Variants in OR51B5 observed in about 807,000 individuals in gnomAD.
OR51B5 encodes the protein olfactory receptor 51B5.
For synonymous variants in OR51B5, 186 were observed against 144.8 expected, an observed-to-expected ratio of 1.28 and a Z score of -2.04; for missense variants, 456 against 374.6, an observed-to-expected ratio of 1.22 and a Z score of -1.79.
intron 1 of OR51B5, among the ~76,000 whole-genome samples, chr11:5,421,618 A>G (rs1164080646): frequency 6.6e-6 from 1 of 152,222 alleles, no homozygotes; most frequent in Non-Finnish European, 1.5e-5. Context: ...GACATTAGCT[A>G]ATGAGAATAG....
chr11:5,458,664 T>G (rs1173804001), intron 1 of OR51B5, among the ~76,000 whole-genome samples: 1 of 152,202 alleles, frequency 6.6e-6, no homozygotes, highest in African/African-American at 2.4e-5. Context: ...ATTGTAGAGA[T>G]CATTCACCTG....
At chr11:5,413,411 C>T (rs1438177847) in intron 1 of OR51B5, among the ~76,000 whole-genome samples, 1 of 152,142 alleles carries the variant, frequency 6.6e-6, no homozygotes, top group Non-Finnish European at 1.5e-5. Context: ...AGTTCTTCAC[C>T]AGCAATGCAA....
chr11:5,454,105 C>T, intron 1 of OR51B5: 3 of 1,614,194 alleles, frequency 1.9e-6, no homozygotes, highest in Non-Finnish European at 2.5e-6. Context: ...CTTGTATCCA[C>T]CTTTGGCATG....
chr11:5,347,766 G>A (rs1480299281), upstream of OR51B5, among the ~76,000 whole-genome samples: 13 of 152,026 alleles, frequency 8.6e-5, no homozygotes, highest in Non-Finnish European at 1.6e-4. Context: ...TGGAAGGAAG[G>A]AGGTAGGGAG....
intron 1 of OR51B5, among the ~76,000 whole-genome samples, chr11:5,479,754 A>G (rs1308129248): frequency 6.9e-6 from 1 of 145,550 alleles, no homozygotes; most frequent in Non-Finnish European, 1.5e-5. Context: ...AAAGATCAAA[A>G]GAGACAAAGA....
intron 1 of OR51B5, chr11:5,453,475 A>G: frequency 6.7e-7 from 1 of 1,503,232 alleles, no homozygotes; most frequent in Admixed American, 2.3e-5. Flanking sequence ...AAAGTACCCT[A>G]AGTTTGTTTT....
At chr11:5,432,265 T>C (rs1850545138) in intron 1 of OR51B5, among the ~76,000 whole-genome samples, 6 of 152,130 alleles carry the variant, frequency 3.9e-5, no homozygotes, top group Admixed American at 3.3e-4. Flanking sequence ...AGCAGGAACA[T>C]GCAATATTTC....
intron 1 of OR51B5, among the ~76,000 whole-genome samples, chr11:5,374,442 A>G (rs1849492559): frequency 6.6e-6 from 1 of 152,224 alleles, no homozygotes; most frequent in African/African-American, 2.4e-5. Context: ...CCTCCAAAGG[A>G]AAGCAGTTCC....
chr11:5,457,448 G>A (rs1275169463), intron 1 of OR51B5, among the ~76,000 whole-genome samples: 1 of 152,194 alleles, frequency 6.6e-6, no homozygotes, highest in African/African-American at 2.4e-5. Context: ...ACAAGCGTAT[G>A]TGTCTTTTTG....
intron 1 of OR51B5, among the ~76,000 whole-genome samples, chr11:5,356,180 G>A (rs1054137037): frequency 1.3e-5 from 2 of 152,120 alleles, no homozygotes; most frequent in Admixed American, 6.6e-5. Context: ...ACTACTCCGA[G>A]CTAAAGGAGG....
At chr11:5,343,945 C>T (rs777257806), upstream of OR51B5, among the ~76,000 whole-genome samples, 6 of 152,182 alleles carry the variant, frequency 3.9e-5, no homozygotes, top group African/African-American at 1.4e-4. Flanking sequence ...CTGTAATTGC[C>T]TTCACAGTAG....
intron 1 of OR51B5, among the ~76,000 whole-genome samples, chr11:5,421,230 A>T (rs910448317): frequency 6.6e-6 from 1 of 152,120 alleles, no homozygotes; most frequent in Non-Finnish European, 1.5e-5. Flanking sequence ...TCCTGAAGCG[A>T]CCTGCCACAC....
rs376588600 is a variant in OR51B5 at position 5,414,822 on chromosome 11, A to G, written n.85-67912T>C. On this transcript the variant is annotated intron_variant and non_coding_transcript_variant, in intron 1 of 4. Transcript: ENST00000415970. ...GAGATTTAGACTCCCACACTTTAAT[A>G]ATGGGAGACTTTAACACCCCACTGT... Among the ~76,000 whole-genome samples, 9 of 152,326 alleles carry G rather than the reference A, an allele frequency of 5.9e-5. No individual in the cohort carries two copies. In the East Asian group the frequency reaches 1.5e-3, roughly 26 times the overall value.
chr11:5,377,321 A>T (rs1469890658), intron 1 of OR51B5, among the ~76,000 whole-genome samples: 2 of 152,196 alleles, frequency 1.3e-5, no homozygotes, highest in East Asian at 3.8e-4. Context: ...CAAAATAATA[A>T]GAGCTATCTA....
At chr11:5,391,059 C>A (rs2340322) in intron 1 of OR51B5, 119,822 of 151,956 alleles carry the variant, frequency 0.79, 47,618 homozygotes, top group Middle Eastern at 0.84. Flanking sequence ...CATTAAGCTA[C>A]AGTCAGTATT....
At chr11:5,495,621 A>G (rs1006848564) in intron 1 of OR51B5, among the ~76,000 whole-genome samples, 1 of 152,220 alleles carries the variant, frequency 6.6e-6, no homozygotes, top group Non-Finnish European at 1.5e-5. Context: ...ATCAATGCAT[A>G]TCACTACAAA....
intron 1 of OR51B5, among the ~76,000 whole-genome samples, chr11:5,478,106 T>A (rs1851345556): frequency 6.6e-6 from 1 of 151,692 alleles, no homozygotes; most frequent in Non-Finnish European, 1.5e-5. Flanking sequence ...GACTTCAATG[T>A]CCCTGTCTGA....
chr11:5,460,195 C>T (rs1208111477), intron 1 of OR51B5, among the ~76,000 whole-genome samples: 1 of 152,046 alleles, frequency 6.6e-6, no homozygotes, highest in Non-Finnish European at 1.5e-5. Context: ...ATGATGAAAA[C>T]ACATGGACAC....
intron 1 of OR51B5, chr11:5,354,855 A>G (rs376369681): frequency 2.1e-5 from 4 of 187,032 alleles, no homozygotes; most frequent in African/African-American, 7.2e-5. Context: ...AGGGTACCAG[A>G]CCTGAGAGAA....
Sources: gnomAD v4.1 joint callset for allele counts (sites outside exome capture counted in the v4.1 genomes callset) on GRCh38, gnomAD v4.1.1 for gene constraint, MANE v1.5 for transcripts, NCBI Gene and HGNC (gene_info 2026-07-23, HGNC 2026-07-21) for gene names.